LRRC2: variants seen among roughly 807,000 people sequenced by gnomAD.
LRRC2 encodes the protein leucine-rich repeat-containing protein 2.
A neutral mutation model predicts 40.2 loss-of-function variants in LRRC2; 27 were observed. That is an observed-to-expected ratio of 0.67 (90% CI 0.49 to 0.93). The LOEUF (loss-of-function observed/expected upper bound fraction) is 0.93. Ranked by LOEUF, LRRC2 falls within the 40% of genes least tolerant of loss-of-function variation. The pLI is 0.00. For missense variants in LRRC2, 402 were observed against 439.6 expected, an observed-to-expected ratio of 0.91 and a Z score of 0.76; for synonymous variants, 147 against 158.9, an observed-to-expected ratio of 0.92 and a Z score of 0.56.
chr3:46,561,092 A>G (rs964149019), intron 1 of LRRC2, among the ~76,000 whole-genome samples: 3 of 152,182 alleles, frequency 2.0e-5, no homozygotes, highest in African/African-American at 7.2e-5. Flanking sequence ...TTACATAACA[A>G]AGGAGAACCC....
At chr3:46,540,810 C>G (rs922381279) in intron 3 of LRRC2, among the ~76,000 whole-genome samples, 10 of 152,210 alleles carry the variant, frequency 6.6e-5, no homozygotes, top group African/African-American at 2.4e-4. Context: ...CCCGACACCT[C>G]TTGATCTGAA....
intron 1 of LRRC2, among the ~76,000 whole-genome samples, chr3:46,561,579 G>A (rs1203362106): frequency 2.0e-5 from 3 of 151,964 alleles, no homozygotes; most frequent in Admixed American, 6.6e-5. Flanking sequence ...GGAAGGGGCC[G>A]GGGAGTGAGC....
intron 2 of LRRC2, chr3:46,551,263 G>T: frequency 2.2e-6 from 1 of 457,248 alleles, no homozygotes; most frequent in Non-Finnish European, 3.7e-6. Context: ...TGGTGGGTAG[G>T]TCCTTATAAC....
chr3:46,522,570 G>A (rs2106977145), intron 7 of LRRC2, among the ~76,000 whole-genome samples: 1 of 151,886 alleles, frequency 6.6e-6, no homozygotes, highest in East Asian at 1.9e-4. Context: ...AAGATTAGCT[G>A]AGTGTGGTGG....
At chr3:46,538,245 C>T (rs1704308950) in intron 4 of LRRC2, among the ~76,000 whole-genome samples, 1 of 152,062 alleles carries the variant, frequency 6.6e-6, no homozygotes, top group African/African-American at 2.4e-5. Context: ...ACTCCTTGCA[C>T]CCCAGGAAAA....
chr3:46,537,130 T>C (rs773592098), intron 4 of LRRC2, among the ~76,000 whole-genome samples: 10 of 152,116 alleles, frequency 6.6e-5, no homozygotes. Flanking sequence ...AAGGGTTGTT[T>C]GTTTGTTTGT....
At chr3:46,538,996 G>A in intron 4 of LRRC2, 49 bp downstream of exon 4, 2 of 1,573,546 alleles carry the variant, frequency 1.3e-6, no homozygotes. Flanking sequence ...CCTGACAGCT[G>A]CCTGCTTAAC....
intron 3 of LRRC2, among the ~76,000 whole-genome samples, chr3:46,541,166 T>C (rs528167656): frequency 7.2e-4 from 109 of 151,966 alleles, no homozygotes; most frequent in African/African-American, 2.5e-3. Flanking sequence ...ACTCCGTCTC[T>C]ACTAAAAATA....
At chr3:46,542,202 A>G (rs1355794947) in intron 3 of LRRC2, among the ~76,000 whole-genome samples, 1 of 152,132 alleles carries the variant, frequency 6.6e-6, no homozygotes, top group Non-Finnish European at 1.5e-5. Context: ...CTAAAAGAAA[A>G]AGGAAACTCT....
chr3:46,544,788 C>G (rs11710224), intron 3 of LRRC2, among the ~76,000 whole-genome samples: 32,110 of 152,158 alleles, frequency 0.21, 3,939 homozygotes, highest in Middle Eastern at 0.33. Context: ...TGTTAAGGGT[C>G]TAGGGCGGGG....
At chr3:46,542,372 T>C (rs1258135691) in intron 3 of LRRC2, among the ~76,000 whole-genome samples, 4 of 151,888 alleles carry the variant, frequency 2.6e-5, no homozygotes, top group Non-Finnish European at 5.9e-5. Flanking sequence ...GGCATGCACC[T>C]GTTGGTTCCA....
At chr3:46,548,767 C>G (rs962394141) in intron 2 of LRRC2, among the ~76,000 whole-genome samples, 3 of 152,152 alleles carry the variant, frequency 2.0e-5, no homozygotes, top group Non-Finnish European at 4.4e-5. Flanking sequence ...TCATGGAAGA[C>G]AATTTTTCCA....
chr3:46,553,511 A>G (rs1704712559), intron 1 of LRRC2, among the ~76,000 whole-genome samples: 1 of 152,164 alleles, frequency 6.6e-6, no homozygotes, highest in Non-Finnish European at 1.5e-5. Context: ...GCAGTGATCC[A>G]GGTGCAATCA....
At chr3:46,519,954 A>C (rs1703936618) in intron 8 of LRRC2, among the ~76,000 whole-genome samples, 1 of 152,154 alleles carries the variant, frequency 6.6e-6, no homozygotes, top group Non-Finnish European at 1.5e-5. Context: ...TGTAGGACAA[A>C]ACCAGCTGAA....
chr3:46,544,966 TCATTCATTCATCCTTG>T, intron 3 of LRRC2, 64 bp downstream of exon 3: 1 of 1,297,052 alleles, frequency 7.7e-7, no homozygotes, highest in South Asian at 1.2e-5. Flanking sequence ...GCAAAAGCAT[TCATTCATTCATCCTTG>T]GGCTCAGGCG....
At chr3:46,531,915 T>C (rs1335191036) in intron 5 of LRRC2, among the ~76,000 whole-genome samples, 1 of 152,196 alleles carries the variant, frequency 6.6e-6, no homozygotes, top group African/African-American at 2.4e-5. Context: ...CGCTCCAGCA[T>C]GAGATGCTTA....
chr3:46,541,325 T>TC (rs1704385931), intron 3 of LRRC2, among the ~76,000 whole-genome samples: 1 of 133,022 alleles, frequency 7.5e-6, no homozygotes, highest in Admixed American at 8.2e-5. Context: ...AGAGCGAGAC[T>TC]CCGTCTCAAA....
intron 2 of LRRC2, among the ~76,000 whole-genome samples, chr3:46,547,378 T>C (rs1296666089): frequency 6.6e-6 from 1 of 151,842 alleles, no homozygotes; most frequent in Non-Finnish European, 1.5e-5. Flanking sequence ...ATAACAAAAG[T>C]GATAAATTTA....
chr3:46,550,377 CTTTTTTTT>C (rs34602158), intron 2 of LRRC2, among the ~76,000 whole-genome samples: 1 of 84,006 alleles, frequency 1.2e-5, no homozygotes, highest in Non-Finnish European at 2.2e-5. Flanking sequence ...CCTTACACAT[CTTTTTTTT>C]TTTTTTTTTT....
Sources: gnomAD v4.1 joint callset for allele counts (sites outside exome capture counted in the v4.1 genomes callset) on GRCh38, gnomAD v4.1.1 for gene constraint, MANE v1.5 for transcripts, NCBI Gene and HGNC (gene_info 2026-07-23, HGNC 2026-07-21) for gene names.